PTPRK: variants seen among roughly 807,000 people sequenced by gnomAD.
The protein encoded by PTPRK is protein tyrosine phosphatase receptor type K, also known as receptor-type tyrosine-protein phosphatase kappa.
PTPRK carries 75 observed loss-of-function variants against 178.0 expected under a neutral mutation model. That is an observed-to-expected ratio of 0.42 (90% CI 0.35 to 0.51). PTPRK has a LOEUF of 0.51. Among genes scored for constraint, PTPRK ranks in the 20% least tolerant of loss-of-function variants. The pLI is 0.02. For synonymous variants in PTPRK, 637 were observed against 620.6 expected, an observed-to-expected ratio of 1.03 and a Z score of -0.39; for missense variants, 1,441 against 1,797.8, an observed-to-expected ratio of 0.80 and a Z score of 3.59.
At chr6:128,082,080 T>C (rs1021137825) in intron 10 of PTPRK, among the ~76,000 whole-genome samples, 1 of 152,022 alleles carries the variant, frequency 6.6e-6, no homozygotes, top group African/African-American at 2.4e-5. Context: ...TCTTCTACCA[T>C]TTTTTTGATA....
intron 1 of PTPRK, among the ~76,000 whole-genome samples, chr6:128,503,941 C>T (rs78671207): frequency 0.016 from 2,397 of 151,184 alleles, 30 homozygotes; most frequent in Non-Finnish European, 0.026. Context: ...GGATAGTAAT[C>T]AATCCTGGAA....
intron 7 of PTPRK, among the ~76,000 whole-genome samples, chr6:128,146,521 G>T (rs1352518768): frequency 6.6e-6 from 1 of 151,426 alleles, no homozygotes; most frequent in Non-Finnish European, 1.5e-5. Context: ...TTGGTTCACT[G>T]CAACCTCTGC....
At chr6:127,987,257 T>C (rs1776086066) in intron 21 of PTPRK, among the ~76,000 whole-genome samples, 1 of 146,806 alleles carries the variant, frequency 6.8e-6, no homozygotes, top group African/African-American at 2.4e-5. Context: ...CCCCCCATTT[T>C]CTTGTTCTAA....
At chr6:128,404,277 G>A (rs947216585) in intron 1 of PTPRK, among the ~76,000 whole-genome samples, 3 of 152,218 alleles carry the variant, frequency 2.0e-5, no homozygotes, top group Non-Finnish European at 4.4e-5. Context: ...GTAATAAAGT[G>A]AGACTAGAAA....
chr6:128,180,190 CACAG>C (rs1225867903), intron 7 of PTPRK, among the ~76,000 whole-genome samples: 1 of 151,852 alleles, frequency 6.6e-6, no homozygotes, highest in Non-Finnish European at 1.5e-5. Flanking sequence ...AAGCATGCAA[CACAG>C]ACAATTTCTG....
At chr6:128,498,182 A>C (rs1855012960) in intron 1 of PTPRK, among the ~76,000 whole-genome samples, 1 of 152,192 alleles carries the variant, frequency 6.6e-6, no homozygotes, top group Non-Finnish European at 1.5e-5. Flanking sequence ...CCTAGCTTCC[A>C]TTCCAAGCAT....
intron 2 of PTPRK, chr6:128,340,693 A>T: frequency 2.5e-6 from 1 of 402,058 alleles, no homozygotes; most frequent in South Asian, 2.0e-5. Context: ...TTTGTTATTT[A>T]ATATAAAATG....
At chr6:128,303,419 G>A (rs1295452552) in intron 3 of PTPRK, among the ~76,000 whole-genome samples, 6 of 152,160 alleles carry the variant, frequency 3.9e-5, no homozygotes, top group African/African-American at 4.8e-5. Context: ...GAGTGAAAGC[G>A]GCCCCATAGG....
Position 127,985,754 on chromosome 6 carries a change from G to A in PTPRK, c.3218C>T (p.Pro1073Leu). ...TACAACGATGGGGCCAGCACTGGGAGGGTTTGATAACTTGACTCGCCGGAT... is the reference window on the plus strand; with the variant it reads ...TACAACGATGGGGCCAGCACTGGGAAGGTTTGATAACTTGACTCGCCGGAT... ...SFIRRVKLSN[P>L]PSAGPIVVHC... is the part of the protein sequence containing the mutation. The change falls in exon 22 of 30, where the codon CCT becomes CTT. Residue 1073 changes from proline to leucine, a missense_variant. By Grantham distance (98) the Pro-to-Leu change is moderately conservative. Transcript: ENST00000368226. 1 of 1,613,916 alleles carries A rather than the reference G, an allele frequency of 6.2e-7. No homozygotes were observed. Among genetic ancestry groups the A allele is most frequent in the Non-Finnish European group, 8.5e-7 (1 of 1,179,876 alleles).
At chr6:128,484,449 C>T (rs546153341) in intron 1 of PTPRK, among the ~76,000 whole-genome samples, 36 of 152,090 alleles carry the variant, frequency 2.4e-4, no homozygotes, top group African/African-American at 6.5e-4. Context: ...AATTATTAAC[C>T]TTCAATAAAT....
At chr6:128,414,538 T>TA (rs1842638341) in intron 1 of PTPRK, among the ~76,000 whole-genome samples, 1 of 152,212 alleles carries the variant, frequency 6.6e-6, no homozygotes, top group African/African-American at 2.4e-5. Context: ...CCTAAATTTT[T>TA]AAAAAATGAA....
At chr6:128,131,658 G>A (rs897341726) in intron 7 of PTPRK, among the ~76,000 whole-genome samples, 1 of 152,182 alleles carries the variant, frequency 6.6e-6, no homozygotes, top group African/African-American at 2.4e-5. Context: ...CCTCCTTCAA[G>A]TCAAGTACAG....
At chr6:128,191,096 A>G (rs2114720555) in intron 6 of PTPRK, among the ~76,000 whole-genome samples, 1 of 152,358 alleles carries the variant, frequency 6.6e-6, no homozygotes, top group African/African-American at 2.4e-5. Context: ...ATAAGCACAC[A>G]TGATTTCACA....
chr6:128,103,541 GT>G (rs1224069675), intron 7 of PTPRK, among the ~76,000 whole-genome samples: 1 of 152,124 alleles, frequency 6.6e-6, no homozygotes, highest in Non-Finnish European at 1.5e-5. Flanking sequence ...CCATCTGCAT[GT>G]TCCCCCTCCT....
At chr6:128,369,153 C>T (rs1417208608) in intron 2 of PTPRK, among the ~76,000 whole-genome samples, 1 of 152,192 alleles carries the variant, frequency 6.6e-6, no homozygotes, top group East Asian at 1.9e-4. Context: ...TTCCCCATTA[C>T]TGTCCCACCA....
intron 6 of PTPRK, among the ~76,000 whole-genome samples, chr6:128,212,634 C>T (rs1485821877): frequency 6.6e-6 from 1 of 152,002 alleles, no homozygotes; most frequent in East Asian, 1.9e-4. Context: ...ATTAATGATG[C>T]AAATGATTCT....
intron 3 of PTPRK, among the ~76,000 whole-genome samples, chr6:128,277,367 T>C (rs998194753): frequency 3.3e-5 from 5 of 152,180 alleles, no homozygotes; most frequent in Non-Finnish European, 7.4e-5. Context: ...TAGATTGAGA[T>C]AAAATACGAA....
At chr6:128,158,350 G>A (rs1216889402) in intron 7 of PTPRK, among the ~76,000 whole-genome samples, 2 of 151,896 alleles carry the variant, frequency 1.3e-5, no homozygotes, top group African/African-American at 2.4e-5. Context: ...CATGGCACAT[G>A]TATACATATG....
intron 21 of PTPRK, among the ~76,000 whole-genome samples, chr6:127,989,153 T>C (rs1776304110): frequency 6.6e-6 from 1 of 152,108 alleles, no homozygotes; most frequent in South Asian, 2.1e-4. Flanking sequence ...GTTTTCCTTA[T>C]TACTAAGTTC....
Sources: allele counts gnomAD v4.1 joint callset (sites outside exome capture counted in the v4.1 genomes callset), GRCh38; gene constraint gnomAD v4.1.1; transcripts MANE v1.5; gene names NCBI Gene and HGNC (gene_info 2026-07-23, HGNC 2026-07-21).